Variants in LRBA observed in about 807,000 individuals in gnomAD.
The protein encoded by LRBA is LPS responsive beige-like anchor protein, also known as lipopolysaccharide-responsive and beige-like anchor protein.
LRBA carries 176 observed loss-of-function variants against 330.0 expected under a neutral mutation model. The ratio of observed to expected loss-of-function variants is 0.53; its 90% CI spans 0.47 to 0.60. The LOEUF (loss-of-function observed/expected upper bound fraction) is 0.60, where lower values mean the gene tolerates loss of function less well. LRBA is among the 20% of genes least tolerant of loss of function. LRBA has a pLI of 0.00. For missense variants in LRBA, 3,259 were observed against 3,444.8 expected (o/e 0.95, Z 1.35); for synonymous variants, 1,230 against 1,193.0 (o/e 1.03, Z -0.64).
chr4:150,446,593 A>G (rs2134960), intron 44 of LRBA, among the ~76,000 whole-genome samples: 131,281 of 152,180 alleles, frequency 0.86, 57,678 homozygotes, highest in Non-Finnish European at 0.96. Flanking sequence ...CAACCTCTAA[A>G]ACAATCCCCA....
chr4:150,307,019 A>G (rs1477159597), intron 52 of LRBA, among the ~76,000 whole-genome samples: 1 of 152,040 alleles, frequency 6.6e-6, no homozygotes, highest in African/African-American at 2.4e-5. Context: ...AGAGAATTTT[A>G]TAAATTCTAT....
In LRBA at chr4:150,583,137, G is replaced by T; in HGVS notation, c.6330+4911C>A. 6.2e-7 allele frequency: 1 copy of T among 1,614,224 alleles called. No homozygotes were observed. The highest frequency in any genetic ancestry group is 8.5e-7 in the Non-Finnish European group (1 of 1,180,038). ...CCAAAACCATCCGAGAGGTCTGTAA[G>T]GTGGTCTCGGACGTGCTCAAGGAAG... On this transcript the variant is annotated intron_variant, in intron 40 of 56. Transcript: ENST00000651943. The surrounding 1 kb of genome is among the most constrained non-coding windows in gnomAD (Gnocchi z 9.8).
intron 36 of LRBA, among the ~76,000 whole-genome samples, chr4:150,723,945 T>TG (rs915790874): frequency 1.1e-4 from 16 of 152,076 alleles, no homozygotes; most frequent in Admixed American, 5.2e-4. Flanking sequence ...GGACCGGTGG[T>TG]GGGGGTGGCC....
intron 35 of LRBA, among the ~76,000 whole-genome samples, chr4:150,748,310 A>T (rs1733031668): frequency 6.6e-6 from 1 of 152,154 alleles, no homozygotes; most frequent in African/African-American, 2.4e-5. Context: ...TACCAATCCT[A>T]TCACAATTCA....
intron 33 of LRBA, among the ~76,000 whole-genome samples, chr4:150,804,549 T>G (rs1399463078): frequency 1.3e-5 from 2 of 152,166 alleles, no homozygotes; most frequent in Non-Finnish European, 2.9e-5. Context: ...TTTAAAAAAT[T>G]CCTCAGACCA....
intron 34 of LRBA, among the ~76,000 whole-genome samples, chr4:150,777,317 A>G (rs900095897): frequency 3.9e-5 from 6 of 152,132 alleles, no homozygotes; most frequent in African/African-American, 1.4e-4. Context: ...TTCTACTCGT[A>G]GTAATACTAC....
At chr4:150,632,004 G>A (rs748275323) in intron 37 of LRBA, among the ~76,000 whole-genome samples, 1 of 152,200 alleles carries the variant, frequency 6.6e-6, no homozygotes, top group Non-Finnish European at 1.5e-5. Context: ...GCCAAGGCGG[G>A]TAGATCATTT....
Position 150,579,764 on chromosome 4 carries a change from G to A in LRBA, c.6330+8284C>T, listed in dbSNP as rs954813154. On this transcript the variant is annotated intron_variant, in intron 40 of 56. Transcript: ENST00000651943. ...GGAGAAGGCGCAGGACTTGCGGCGC[G>A]GCGGCGGAGCCATGCGAACCAACTC... is the stretch of plus-strand genomic sequence containing the variant. 3.3e-5 allele frequency: 15 copies of A among 455,028 alleles called. No individual in the cohort carries two copies. In the Admixed American group the frequency reaches 3.5e-4, roughly 11 times the overall value. The allele number at this position is 455,028 out of a possible 1,614,324, so 28.2% of individuals were successfully genotyped here.
intron 4 of LRBA, among the ~76,000 whole-genome samples, chr4:150,927,331 G>A (rs1304633321): frequency 6.7e-6 from 1 of 150,296 alleles, no homozygotes; most frequent in Non-Finnish European, 1.5e-5. Context: ...CGAGATCATG[G>A]CACTGCACTC....
In LRBA at chr4:150,583,146, G is replaced by C. The variant is rs773692896; in HGVS notation, c.6330+4902C>G. ...TCCGAGAGGTCTGTAAGGTGGTCTC[G>C]GACGTGCTCAAGGAAGTGGAGGTGC... On this transcript the variant is annotated intron_variant, in intron 40 of 56. Transcript: ENST00000651943. This position sits in a 1 kb window ranked among gnomAD's most constrained non-coding sequence, Gnocchi z 9.8. 20 of 1,614,162 alleles carry C rather than the reference G, an allele frequency of 1.2e-5. No homozygotes were observed. Among genetic ancestry groups the C allele is most frequent in the Non-Finnish European group, 1.7e-5 (20 of 1,180,012 alleles).
chr4:150,823,545 G>A (rs1745777130), intron 30 of LRBA, among the ~76,000 whole-genome samples: 1 of 152,046 alleles, frequency 6.6e-6, no homozygotes, highest in Non-Finnish European at 1.5e-5. Context: ...CCAGATTAAT[G>A]TCCTGGAGAG....
At chr4:150,269,818 GCCTGGA>G (rs1439610952) in intron 56 of LRBA, among the ~76,000 whole-genome samples, 1 of 152,050 alleles carries the variant, frequency 6.6e-6, no homozygotes, top group African/African-American at 2.4e-5. Flanking sequence ...GGTGGCACAT[GCCTGGA>G]GTACCAGCTA....
At chr4:150,505,792 G>T (rs900928845) in intron 40 of LRBA, among the ~76,000 whole-genome samples, 1 of 152,186 alleles carries the variant, frequency 6.6e-6, no homozygotes, top group Non-Finnish European at 1.5e-5. Context: ...GAATCCAGGA[G>T]TTGGTTTTTT....
chr4:150,870,476 T>A, intron 20 of LRBA, 49 bp downstream of exon 20: 1 of 985,120 alleles, frequency 1.0e-6, no homozygotes, highest in South Asian at 1.3e-5. Context: ...AGTGACTTTC[T>A]TTTTAAGTAG....
intron 37 of LRBA, among the ~76,000 whole-genome samples, chr4:150,647,742 T>G (rs1779298067): frequency 6.6e-6 from 1 of 152,060 alleles, no homozygotes; most frequent in Admixed American, 6.6e-5. Context: ...AAAGATGTGA[T>G]GCTGAATTGT....
At chr4:150,689,743 T>G (rs1305486860) in intron 36 of LRBA, among the ~76,000 whole-genome samples, 1 of 151,996 alleles carries the variant, frequency 6.6e-6, no homozygotes, top group Non-Finnish European at 1.5e-5. Context: ...ATGGGCAACA[T>G]GGTGAAACCC....
chr4:150,679,104 G>C (rs899008721), intron 37 of LRBA, among the ~76,000 whole-genome samples: 1 of 152,084 alleles, frequency 6.6e-6, no homozygotes, highest in African/African-American at 2.4e-5. Context: ...TCACCAATGA[G>C]TATATATTAA....
At chr4:150,497,926 G>T (rs891094442) in intron 40 of LRBA, among the ~76,000 whole-genome samples, 1 of 152,156 alleles carries the variant, frequency 6.6e-6, no homozygotes, top group Admixed American at 6.6e-5. Context: ...GGCTCCCATT[G>T]AAGACTGTGA....
At chr4:150,476,621 CT>C (rs1359283188) in intron 42 of LRBA, among the ~76,000 whole-genome samples, 12 of 152,292 alleles carry the variant, frequency 7.9e-5, no homozygotes, top group African/African-American at 2.6e-4. Context: ...CTCCTGGTAG[CT>C]GTTATAACCC....
Sources: gnomAD v4.1 joint callset for allele counts (sites outside exome capture counted in the v4.1 genomes callset) on GRCh38, gnomAD v4.1.1 for gene constraint, Gnocchi (gnomAD v3.1) non-coding constraint, MANE v1.5 for transcripts, NCBI Gene and HGNC (gene_info 2026-07-23, HGNC 2026-07-21) for gene names.